The following EBF3 variants were observed in gnomAD, a reference collection of about 807,000 sequenced individuals.
EBF3 encodes transcription factor COE3.
A neutral mutation model predicts 77.1 loss-of-function variants in EBF3; 18 were observed. That is an observed-to-expected ratio of 0.23 (90% CI 0.16 to 0.35). The LOEUF is 0.35. Among genes scored for constraint, EBF3 ranks in the 10% least tolerant of loss-of-function variants. The pLI is 1.00. For missense variants in EBF3, 558 were observed against 860.0 expected (o/e 0.65, Z 4.39); for synonymous variants, 350 against 343.5 (o/e 1.02, Z -0.21).
At chr10:129,889,278 G>T (rs991509212) in intron 6 of EBF3, among the ~76,000 whole-genome samples, 1 of 152,228 alleles carries the variant, frequency 6.6e-6, no homozygotes, top group Non-Finnish European at 1.5e-5. Context: ...GGGGCCAAAG[G>T]GACAAGGCCA....
In EBF3 at chr10:129,841,392, T is replaced by G. The variant is rs762781379; in HGVS notation, c.1373-360A>C. 3.3e-5 allele frequency among the ~76,000 whole-genome samples: 5 copies of G among 152,190 alleles called. No homozygotes were observed. Among genetic ancestry groups the G allele is most frequent in the Admixed American group, 6.5e-5 (1 of 15,284 alleles). On this transcript the variant is annotated intron_variant, in intron 13 of 16. Transcript: ENST00000440978. The surrounding 1 kb of genome is among the most constrained non-coding windows in gnomAD (Gnocchi z 4.6). ...TCTGTAGACCTTCAAATGCCATGAC[T>G]GACAAGGAGAGCTTGTTTGTGGCCG...
In EBF3 at chr10:129,943,083, C is replaced by T. The variant is rs1857896017; in HGVS notation, c.554+14175G>A. Among the ~76,000 whole-genome samples the T allele has an allele frequency of 6.6e-6, 1 of 152,196 alleles. No individual in the cohort carries two copies. On this transcript the variant is annotated intron_variant, in intron 6 of 16. Coordinates refer to ENST00000440978, the MANE Select transcript of EBF3 (RefSeq NM_001375380.1). The surrounding 1 kb of genome is among the most constrained non-coding windows in gnomAD (Gnocchi z 8.8). ...CCTCCATTCTAAACCACTTTGCCTG[C>T]ACGATGGGAATGACTGGATCACTCC... is the stretch of plus-strand genomic sequence containing the variant.
chr10:129,869,579 G>C (rs925372292), intron 8 of EBF3, among the ~76,000 whole-genome samples: 1 of 152,158 alleles, frequency 6.6e-6, no homozygotes, highest in Non-Finnish European at 1.5e-5. Context: ...CTTCATAAGC[G>C]GGAGTTTTCC....
chr10:129,920,544 T>G (rs549334597), intron 6 of EBF3, among the ~76,000 whole-genome samples: 2 of 152,208 alleles, frequency 1.3e-5, no homozygotes, highest in Non-Finnish European at 2.9e-5. Context: ...GGCGCTAGCA[T>G]GGACACCACT....
chr10:129,940,530 A>T (rs1286065863), intron 6 of EBF3, among the ~76,000 whole-genome samples: 2 of 152,176 alleles, frequency 1.3e-5, no homozygotes, highest in Admixed American at 1.3e-4. Flanking sequence ...ATGTCCCCAA[A>T]TCTGAGGAAA....
At chr10:129,881,274 G>A (rs975578794) in intron 6 of EBF3, among the ~76,000 whole-genome samples, 2 of 152,184 alleles carry the variant, frequency 1.3e-5, no homozygotes, top group Non-Finnish European at 2.9e-5. Flanking sequence ...GCTTAATTGT[G>A]TACAGTGTGT....
intron 6 of EBF3, among the ~76,000 whole-genome samples, chr10:129,894,564 C>T (rs534846831): frequency 9.2e-5 from 14 of 152,270 alleles, no homozygotes; most frequent in Admixed American, 2.0e-4. Flanking sequence ...CTCCTCAGAC[C>T]GAGCTGGAAG....
rs35249799 is a variant in EBF3, at chr10:129,842,762, TA to T, written c.1194+374del. On this transcript the variant is annotated intron_variant, in intron 12 of 16. Coordinates refer to ENST00000440978, the MANE Select transcript of EBF3 (RefSeq NM_001375380.1). The surrounding 1 kb of genome is among the most constrained non-coding windows in gnomAD (Gnocchi z 4.4). Reference sequence around the variant, plus strand: ...CTGGGTGACAGAGCAAGACCCTGTCTAAAAAAAAAAAAAAAAAAAGGGAGCA... The same window carrying T: ...CTGGGTGACAGAGCAAGACCCTGTCTAAAAAAAAAAAAAAAAAAGGGAGCA... Among the ~76,000 whole-genome samples the T allele has an allele frequency of 1.9e-3, 217 of 112,682 alleles. 2 individuals carry two copies. The highest frequency in any genetic ancestry group is 6.1e-3 in the African/African-American group (169 of 27,708). The allele number at this position is 112,682 out of a possible 152,430, so 73.9% of individuals were successfully genotyped here. A position where few individuals can be genotyped will look rare whatever the true frequency, so the allele number is the denominator to read the frequency against.
chr10:129,905,332 A>C (rs1219686018), intron 6 of EBF3, among the ~76,000 whole-genome samples: 1 of 152,256 alleles, frequency 6.6e-6, no homozygotes, highest in Non-Finnish European at 1.5e-5. Flanking sequence ...TGAACAAGAT[A>C]AAATTTAAAA....
At chr10:129,919,107 G>A (rs541699378) in intron 6 of EBF3, among the ~76,000 whole-genome samples, 2 of 152,332 alleles carry the variant, frequency 1.3e-5, no homozygotes, top group Non-Finnish European at 2.9e-5. Flanking sequence ...TGGGGAGGGC[G>A]AGTACGCAGG....
At chr10:129,941,423 GC>G (rs1857728449) in intron 6 of EBF3, among the ~76,000 whole-genome samples, 1 of 152,222 alleles carries the variant, frequency 6.6e-6, no homozygotes, top group Non-Finnish European at 1.5e-5. Flanking sequence ...CCTGGAGGTG[GC>G]CCAGCAGCCC....
In EBF3 at chr10:129,852,728, G is replaced by T. The variant is rs927587000; in HGVS notation, c.1040-4248C>A. Among the ~76,000 whole-genome samples the T allele has an allele frequency of 4.6e-5, 7 of 152,238 alleles. No individual in the cohort carries two copies. In the East Asian group the frequency reaches 1.3e-3, roughly 29 times the overall value. Reference sequence around the variant, plus strand: ...ATAACACAGAAAAAAAGAAAAATTCGGATTGGAAAACATACACGTTTGGGG... The same window carrying T: ...ATAACACAGAAAAAAAGAAAAATTCTGATTGGAAAACATACACGTTTGGGG... On this transcript the variant is annotated intron_variant, in intron 10 of 16. Transcript: ENST00000440978.
Position 129,962,189 on chromosome 10 carries a change from T to C in EBF3, c.393A>G (p.Ile131Met). The C allele has an allele frequency of 6.2e-7, 1 of 1,614,154 alleles. No homozygotes were observed. Among genetic ancestry groups the C allele is most frequent in the South Asian group, 1.1e-5 (1 of 91,076 alleles). Residue 131 changes from isoleucine (I) to methionine (M), a missense_variant, in exon 4 of 17, where the codon ATA becomes ATG. Coordinates refer to ENST00000440978, the MANE Select transcript of EBF3 (RefSeq NM_001375380.1). ...RTEQDLYVRL[I>M]DSMTKQAIVY... is the part of the protein sequence containing the mutation. ...TTCTCACCTGTTTGGTCATTGAATC[T>C]ATGAGGCGAACATACAGATCTTGCT...
Position 129,879,621 on chromosome 10 carries a change from A to T in EBF3, c.555-1772T>A, listed in dbSNP as rs1853052769. ...TTTTAGGCCAGAATTTACATCTTTT[A>T]TTAACTCACCTCACCTATACACTTA... On this transcript the variant is annotated intron_variant, in intron 6 of 16. Coordinates refer to ENST00000440978, the MANE Select transcript of EBF3 (RefSeq NM_001375380.1). The surrounding 1 kb of genome is among the most constrained non-coding windows in gnomAD (Gnocchi z 4.7). Among the ~76,000 whole-genome samples the T allele has an allele frequency of 6.6e-6, 1 of 152,154 alleles. No homozygotes were observed. Among genetic ancestry groups the T allele is most frequent in the African/African-American group, 2.4e-5 (1 of 41,440 alleles).
In EBF3 at chr10:129,952,737, C is replaced by T. The variant is rs1383111950; in HGVS notation, c.554+4521G>A. ...AGATGTAAAGGGCTAGGGAATAACC[C>T]GGTGCTGTTTGTAAGGCTTGGTAAT... is the stretch of plus-strand genomic sequence containing the variant. On this transcript the variant is annotated intron_variant, in intron 6 of 16. Coordinates refer to ENST00000440978, the MANE Select transcript of EBF3 (RefSeq NM_001375380.1). This position sits in a 1 kb window ranked among gnomAD's most constrained non-coding sequence, Gnocchi z 4.7. Among the ~76,000 whole-genome samples the T allele has an allele frequency of 6.6e-6, 1 of 152,084 alleles. No homozygotes were observed. Among genetic ancestry groups the T allele is most frequent in the Non-Finnish European group, 1.5e-5 (1 of 68,026 alleles).
In EBF3 at chr10:129,944,203, T is replaced by A. The variant is rs1858006295; in HGVS notation, c.554+13055A>T. Among the ~76,000 whole-genome samples, 1 of 152,252 alleles carries A rather than the reference T, an allele frequency of 6.6e-6. No individual in the cohort carries two copies. The highest frequency in any genetic ancestry group is 2.4e-5 in the African/African-American group (1 of 41,468). ...ATCAATTTGCAAGGCCGGTCCGGCA[T>A]CCAGTTACAATAACATTAAAATATA... On this transcript the variant is annotated intron_variant, in intron 6 of 16. Coordinates refer to ENST00000440978, the MANE Select transcript of EBF3 (RefSeq NM_001375380.1). This position sits in a 1 kb window ranked among gnomAD's most constrained non-coding sequence, Gnocchi z 5.1.
rs1413285441 is a variant in EBF3, at chr10:129,863,954, G to A, written c.1039+3187C>T. ...AGCATCACCAAACACCCACTCATGG[G>A]AGCATGTCTCGATGGAGGAAATCCC... On this transcript the variant is annotated intron_variant, in intron 10 of 16. Coordinates refer to ENST00000440978, the MANE Select transcript of EBF3 (RefSeq NM_001375380.1). The surrounding 1 kb of genome is among the most constrained non-coding windows in gnomAD (Gnocchi z 4.0). Among the ~76,000 whole-genome samples the A allele has an allele frequency of 6.6e-6, 1 of 152,162 alleles. No individual in the cohort carries two copies. Among genetic ancestry groups the A allele is most frequent in the Admixed American group, 6.5e-5 (1 of 15,272 alleles).
At chr10:129,840,812 C>T (rs569937588) in intron 14 of EBF3, 32 bp downstream of exon 14, 14 of 1,597,692 alleles carry the variant, frequency 8.8e-6, no homozygotes, top group Middle Eastern at 1.7e-4. Flanking sequence ...TATGAATCTG[C>T]GTGATGACGT....
intron 6 of EBF3, among the ~76,000 whole-genome samples, chr10:129,899,308 A>G (rs1007166368): frequency 1.6e-4 from 24 of 152,128 alleles, no homozygotes; most frequent in African/African-American, 5.6e-4. Context: ...TTTCTAAACA[A>G]TCCGCTGGCA....
Sources: allele counts gnomAD v4.1 joint callset (sites outside exome capture counted in the v4.1 genomes callset), GRCh38; gene constraint gnomAD v4.1.1; non-coding constraint Gnocchi (gnomAD v3.1); transcripts MANE v1.5; gene names NCBI Gene and HGNC (gene_info 2026-07-23, HGNC 2026-07-21).